SLC17A7: variants seen among roughly 807,000 people sequenced by gnomAD.
The protein encoded by SLC17A7 is vesicular glutamate transporter 1.
SLC17A7 carries 15 observed loss-of-function variants against 59.1 expected under a neutral mutation model. The ratio of observed to expected loss-of-function variants is 0.25; its 90% CI spans 0.17 to 0.39. The LOEUF (loss-of-function observed/expected upper bound fraction) is 0.39. SLC17A7 is among the 10% of genes least tolerant of loss of function. SLC17A7 has a pLI of 1.00. For synonymous variants in SLC17A7, 353 were observed against 308.9 expected, an observed-to-expected ratio of 1.14 and a Z score of -1.50; for missense variants, 499 against 765.1, an observed-to-expected ratio of 0.65 and a Z score of 4.10.
Position 49,441,305 on chromosome 19 carries a change from C to T in SLC17A7, c.62+13G>A, listed in dbSNP as rs780313967. The T allele has an allele frequency of 1.9e-6, 3 of 1,608,922 alleles. No individual in the cohort carries two copies. In the Admixed American group the frequency reaches 5.0e-5, roughly 27 times the overall value. ...TCCTCCCACTCTTCTCCCGGGACCC[C>T]CGCCAGGCTCACCGGTGCAGCTTCC... On this transcript the variant is annotated intron_variant, in intron 1 of 11. Coordinates refer to ENST00000221485, the MANE Select transcript of SLC17A7 (RefSeq NM_020309.4).
Position 49,430,526 on chromosome 19 carries a change from T to A in SLC17A7, c.1676A>T (p.Asp559Val). 1 of 1,551,322 alleles carries A rather than the reference T, an allele frequency of 6.4e-7. No individual in the cohort carries two copies. The highest frequency in any genetic ancestry group is 8.7e-7 in the Non-Finnish European group (1 of 1,148,274). The part of the protein sequence containing the change: ...QPPRPPPPVR[D>V]Y ...TCAGTGGGAGGCACATGGTCAGTAGTCCCGGACAGGGGGTGGGGGCCTGGG... is the reference window on the plus strand; with the variant it reads ...TCAGTGGGAGGCACATGGTCAGTAGACCCGGACAGGGGGTGGGGGCCTGGG... The change falls in exon 12 of 12, where the codon GAC becomes GTC. Residue 559 changes from aspartate (D) to valine (V), a missense_variant. This residue lies in a region of SLC17A7 where 98 missense variants were observed against 77.5 expected (regional missense o/e 1.27). Transcript: ENST00000221485.
chr19:49,434,545 C>A, intron 5 of SLC17A7, 57 bp downstream of exon 5: 1 of 1,439,436 alleles, frequency 6.9e-7, no homozygotes, highest in Non-Finnish European at 9.5e-7. Flanking sequence ...ACCCAACAGT[C>A]CAGGCCCCAA....
Position 49,433,024 on chromosome 19 carries a change from T to C in SLC17A7, c.868-64A>G, listed in dbSNP as rs1328900681. 1.3e-6 allele frequency: 2 copies of C among 1,497,492 alleles called. No homozygotes were observed. The highest frequency in any genetic ancestry group is 2.4e-5 in the East Asian group (1 of 42,108). The allele number at this position is 1,497,492 out of a possible 1,614,324, so 92.8% of individuals were successfully genotyped here. ...GGGCTGAGGGCTTCTCCGCGTCCCT[T>C]CAGGGACCACAGTGTAGTTCTGCAG... On this transcript the variant is annotated intron_variant, in intron 7 of 11. Transcript: ENST00000221485. The surrounding 1 kb of genome is among the most constrained non-coding windows in gnomAD (Gnocchi z 5.7).
chr19:49,432,649 T>C lies in SLC17A7; in HGVS notation c.1020A>G (p.Val340=). The C allele has an allele frequency of 6.3e-7, 1 of 1,594,066 alleles. No homozygotes were observed. Among genetic ancestry groups the C allele is most frequent in the African/African-American group, 1.5e-5 (1 of 68,048 alleles). Residue 340 remains valine, a splice_region_variant and synonymous_variant, in exon 9 of 12, where the codon GTA becomes GTG. Transcript: ENST00000221485. ...EEVFGFEISK[V]GLVSALPHLV... is the part of the protein sequence containing the mutation. ...GGTGGGGCAGCGCGGACACCAGGCC[T>C]ACCTGCGGGAACAGGTGTACAGGGA... is the stretch of plus-strand genomic sequence containing the variant.
At chr19:49,434,561 C>T in intron 5 of SLC17A7, 41 bp downstream of exon 5, 1 of 1,557,210 alleles carries the variant, frequency 6.4e-7, no homozygotes, top group Non-Finnish European at 8.7e-7. Flanking sequence ...CCCAACCCCT[C>T]CTCCCTCAGA....
intron 11 of SLC17A7, 101 bp downstream of exon 11, chr19:49,430,914 G>C: frequency 1.9e-6 from 3 of 1,551,856 alleles, no homozygotes; most frequent in Non-Finnish European, 2.6e-6. Flanking sequence ...CAGGGAGGCT[G>C]AAAAGGCAGG....
At chr19:49,439,222 C>T (rs374838633) in intron 1 of SLC17A7, among the ~76,000 whole-genome samples, 9 of 152,254 alleles carry the variant, frequency 5.9e-5, no homozygotes, top group South Asian at 4.2e-4. Flanking sequence ...CACTCCCCCA[C>T]GTCTTTGTCT....
In SLC17A7 at chr19:49,430,294, C is replaced by G. The variant is rs1477328476; in HGVS notation, c.*225G>C. On this transcript the variant is annotated 3_prime_UTR_variant, in exon 12 of 12. Coordinates refer to ENST00000221485, the MANE Select transcript of SLC17A7 (RefSeq NM_020309.4). The stretch of plus-strand genomic sequence containing the variant: ...TGAGGCAGAACGGGTGGAGAGGGAA[C>G]CTTTAGGGGAATTTGGGTATCCTTG... The G allele has an allele frequency of 1.1e-5, 5 of 462,376 alleles. No homozygotes were observed. The allele number at this position is 462,376 out of a possible 1,614,324, so 28.6% of individuals were successfully genotyped here. A position where few individuals can be genotyped will look rare whatever the true frequency, so the allele number is the denominator to read the frequency against.
intron 4 of SLC17A7, 31 bp downstream of exon 4, chr19:49,434,737 G>A: frequency 6.2e-7 from 1 of 1,613,992 alleles, no homozygotes. Context: ...GGGTCCGAGC[G>A]AGGGCAGGGT....
intron 1 of SLC17A7, among the ~76,000 whole-genome samples, chr19:49,439,361 C>T (rs376765983): frequency 3.4e-4 from 52 of 152,246 alleles, no homozygotes; most frequent in African/African-American, 1.0e-3. Flanking sequence ...TACTGGCCCT[C>T]GGCATCCCCC....
rs144868355 is a variant in SLC17A7, at chr19:49,429,801, T to G, written c.*718A>C. The G allele has an allele frequency of 1.8e-5, 7 of 385,332 alleles. No homozygotes were observed. Among genetic ancestry groups the G allele is most frequent in the South Asian group, 1.5e-4 (1 of 6,884 alleles). 23.9% of individuals were successfully genotyped at this position (385,332 alleles called of 1,614,324 possible). ...AGCCACTATTTAGACCTGAAAACCA[T>G]GTCAGAAAAAGTGCACGGGGGTAGA... On this transcript the variant is annotated 3_prime_UTR_variant, in exon 12 of 12. Coordinates refer to ENST00000221485, the MANE Select transcript of SLC17A7 (RefSeq NM_020309.4).
rs1354529624 is a variant in SLC17A7, at chr19:49,431,268, C to T, written c.1261+70G>A. The T allele has an allele frequency of 9.5e-6, 15 of 1,584,886 alleles. No homozygotes were observed. The highest frequency in any genetic ancestry group is 1.7e-4 in the Middle Eastern group (1 of 5,972). On this transcript the variant is annotated intron_variant, in intron 10 of 11. Transcript: ENST00000221485. The surrounding 1 kb of genome is among the most constrained non-coding windows in gnomAD (Gnocchi z 4.6). ...CACCTTTTGTGAGGCTGAGAGGCCCCGTTCCTGAGCCAGGAAGTTCCCTAC... is the reference window on the plus strand; with the variant it reads ...CACCTTTTGTGAGGCTGAGAGGCCCTGTTCCTGAGCCAGGAAGTTCCCTAC...
rs760789528 is a variant in SLC17A7, at chr19:49,433,792, C to T, written c.801G>A (p.Ser267=). 9 of 1,614,080 alleles carry T rather than the reference C, an allele frequency of 5.6e-6. No homozygotes were observed. Among genetic ancestry groups the T allele is most frequent in the Non-Finnish European group, 7.6e-6 (9 of 1,179,974 alleles). ...CCTCGATGTACTTGCGCTCCTCCTC[C>T]GAGATGCTGGGGTGCAGCGCGGGGG... ...YESPALHPSI[S]EEERKYIEDA... is the part of the protein sequence containing the mutation. Residue 267 remains serine (S), a synonymous_variant, in exon 7 of 12, where the codon TCG becomes TCA. Coordinates refer to ENST00000221485, the MANE Select transcript of SLC17A7 (RefSeq NM_020309.4). This position sits in a 1 kb window ranked among gnomAD's most constrained non-coding sequence, Gnocchi z 5.7.
intron 7 of SLC17A7, 21 bp from the exon 8 acceptor site, chr19:49,432,981 CCG>C: frequency 6.3e-7 from 1 of 1,599,384 alleles, no homozygotes; most frequent in Non-Finnish European, 8.5e-7. Flanking sequence ...GAGGGGAGGG[CCG>C]CTAAGACGGG....
At chr19:49,435,365 C>A in intron 2 of SLC17A7, 79 bp from the exon 3 acceptor site, 8 of 981,184 alleles carry the variant, frequency 8.2e-6, no homozygotes, top group Middle Eastern at 2.9e-4. Flanking sequence ...ACAGACTTAG[C>A]GTCTCGACCT....
chr19:49,430,554 G>C lies in SLC17A7; in HGVS notation c.1648C>G (p.Pro550Ala). Reference sequence around the variant, plus strand: ...CGGACAGGGGGTGGGGGCCTGGGGGGCTGAAATGTGCTGTGTGTGGCCCCA... The same window carrying C: ...CGGACAGGGGGTGGGGGCCTGGGGGCCTGAAATGTGCTGTGTGTGGCCCCA... Reference protein sequence around the residue: ...SYGATHSTFQPPRPPPPVRDY With the variant: ...SYGATHSTFQAPRPPPPVRDY Residue 550 changes from proline to alanine, a missense_variant, in exon 12 of 12, where the codon CCC (proline) becomes GCC (alanine). Physicochemically the swap from Pro to Ala is conservative, Grantham distance 27. Around this residue, in one of 3 missense-constraint regions of SLC17A7, gnomAD observed 98 missense variants for 77.5 expected, o/e 1.27. Transcript: ENST00000221485. 1 of 1,599,550 alleles carries C rather than the reference G, an allele frequency of 6.3e-7. No individual in the cohort carries two copies. The highest frequency in any genetic ancestry group is 8.5e-7 in the Non-Finnish European group (1 of 1,171,772).
At position 49,434,075 on chromosome 19, in the gene SLC17A7, A is replaced by G. The variant is rs376116312; in HGVS notation, c.638-29T>C. On this transcript the variant is annotated intron_variant, in intron 5 of 11. Transcript: ENST00000221485. ...AGGGGGAGGATGCGGGGGAGAGAACAGGCCCATCTTCCCTCAGATCAAGGA... is the reference window on the plus strand; with the variant it reads ...AGGGGGAGGATGCGGGGGAGAGAACGGGCCCATCTTCCCTCAGATCAAGGA... 4.8e-6 allele frequency: 7 copies of G among 1,450,374 alleles called. No individual in the cohort carries two copies. In the African/African-American group the frequency reaches 9.8e-5, roughly 20 times the overall value. 89.8% of individuals were successfully genotyped at this position (1,450,374 alleles called of 1,614,324 possible). A position where few individuals can be genotyped will look rare whatever the true frequency, so the allele number is the denominator to read the frequency against.
Position 49,436,683 on chromosome 19 carries a change from G to A in SLC17A7, c.181C>T (p.Arg61Cys), listed in dbSNP as rs1174188346. The change falls in exon 2 of 12, where the codon CGC (arginine) becomes TGC (cysteine). Residue 61 changes from arginine to cysteine, a missense_variant. By Grantham distance (180) the Arg-to-Cys change is radical. This residue lies in a region of SLC17A7 where 323 missense variants were observed against 607.2 expected (regional missense o/e 0.53). Transcript: ENST00000221485. This position sits in a 1 kb window ranked among gnomAD's most constrained non-coding sequence, Gnocchi z 4.1. ...CTCATGATGGCGATAATGTAGCGGC[G>A]AGGGAGGCCGAAGCAGGTGCAGTCC... ...VVDCTCFGLP[R>C]RYIIAIMSGL... The A allele has an allele frequency of 2.5e-6, 4 of 1,613,866 alleles. No individual in the cohort carries two copies. The highest frequency in any genetic ancestry group is 3.4e-6 in the Non-Finnish European group (4 of 1,179,978).
chr19:49,432,483 C>G, intron 9 of SLC17A7, 36 bp downstream of exon 9: 1 of 1,599,174 alleles, frequency 6.3e-7, no homozygotes, highest in Non-Finnish European at 8.5e-7. Context: ...TCCACCCAGG[C>G]TGTCCTAGAG....
Sources: gnomAD v4.1 joint callset for allele counts (sites outside exome capture counted in the v4.1 genomes callset) on GRCh38, gnomAD v4.1.1 for gene constraint, gnomAD v4.1.1 regional missense constraint, Gnocchi (gnomAD v3.1) non-coding constraint, MANE v1.5 for transcripts, NCBI Gene and HGNC (gene_info 2026-07-23, HGNC 2026-07-21) for gene names.